Variants in PCBD2 observed in about 807,000 individuals in gnomAD.
PCBD2 encodes the protein pterin-4-alpha-carbinolamine dehydratase 2.
PCBD2 carries 12 observed loss-of-function variants against 16.4 expected under a neutral mutation model. The observed-to-expected ratio is 0.73, with a 90% CI of 0.47 to 1.19. The LOEUF (loss-of-function observed/expected upper bound fraction) is 1.19. PCBD2 is among the 50% of genes most tolerant of loss of function. PCBD2 has a pLI of 0.00. For synonymous variants in PCBD2, 58 were observed against 61.8 expected (o/e 0.94, Z 0.29); for missense variants, 138 against 156.8 (o/e 0.88, Z 0.64).
intron 2 of PCBD2, among the ~76,000 whole-genome samples, chr5:134,918,420 G>T (rs1017183907): frequency 3.9e-5 from 6 of 152,186 alleles, no homozygotes; most frequent in African/African-American, 1.2e-4. Flanking sequence ...CAGGAGAATG[G>T]CTTGAACCCG....
At chr5:134,937,067 A>G (rs1751169190) in intron 2 of PCBD2, among the ~76,000 whole-genome samples, 2 of 152,262 alleles carry the variant, frequency 1.3e-5, no homozygotes, top group African/African-American at 4.8e-5. Flanking sequence ...TGGTTCTTTC[A>G]TAATTAACAT....
chr5:134,922,685 C>T (rs112790412), intron 2 of PCBD2, among the ~76,000 whole-genome samples: 10 of 141,596 alleles, frequency 7.1e-5, no homozygotes, highest in South Asian at 2.2e-4. Flanking sequence ...TTTTTTGAGA[C>T]GGAGTCTCGC....
intron 2 of PCBD2, among the ~76,000 whole-genome samples, chr5:134,918,643 G>A (rs1750863165): frequency 6.6e-6 from 1 of 152,206 alleles, no homozygotes; most frequent in African/African-American, 2.4e-5. Flanking sequence ...GCTCATGATT[G>A]GCTTTGTAAC....
chr5:134,916,940 T>C (rs980864869), intron 2 of PCBD2, among the ~76,000 whole-genome samples: 1 of 152,176 alleles, frequency 6.6e-6, no homozygotes, highest in African/African-American at 2.4e-5. Flanking sequence ...TAGGAGTGCT[T>C]GGACCCAGAC....
chr5:134,908,063 A>T (rs755047659), intron 1 of PCBD2, among the ~76,000 whole-genome samples: 3 of 151,396 alleles, frequency 2.0e-5, no homozygotes, highest in Non-Finnish European at 4.4e-5. Flanking sequence ...GAGACTATGG[A>T]CATGGTCCAC....
At chr5:134,931,042 C>T (rs1031232623) in intron 2 of PCBD2, among the ~76,000 whole-genome samples, 6 of 152,030 alleles carry the variant, frequency 3.9e-5, no homozygotes, top group East Asian at 3.9e-4. Context: ...CTCAGCCTAC[C>T]GAGTAGCTGG....
At chr5:134,913,521 G>T (rs1295623597) in intron 2 of PCBD2, among the ~76,000 whole-genome samples, 1 of 152,208 alleles carries the variant, frequency 6.6e-6, no homozygotes, top group Non-Finnish European at 1.5e-5. Context: ...GAGGGGAAGG[G>T]TCAGAGCATG....
chr5:134,942,164 T>G (rs1580890709), intron 2 of PCBD2, among the ~76,000 whole-genome samples: 1 of 150,152 alleles, frequency 6.7e-6, no homozygotes, highest in South Asian at 2.1e-4. Flanking sequence ...TGTAGGAAAC[T>G]TATTTTTGCT....
chr5:134,954,225 C>T (rs183258491), intron 2 of PCBD2, among the ~76,000 whole-genome samples: 58 of 152,164 alleles, frequency 3.8e-4, no homozygotes, highest in Non-Finnish European at 6.8e-4. Context: ...ATTCCCAAAG[C>T]GCTGGGATTA....
At chr5:134,915,385 G>T (rs1041063313) in intron 2 of PCBD2, among the ~76,000 whole-genome samples, 1 of 149,054 alleles carries the variant, frequency 6.7e-6, no homozygotes, top group Non-Finnish European at 1.5e-5. Flanking sequence ...TGTTCTGCAT[G>T]TATGCAAATA....
intron 2 of PCBD2, among the ~76,000 whole-genome samples, chr5:134,945,242 T>C (rs1751278189): frequency 6.6e-6 from 1 of 152,196 alleles, no homozygotes; most frequent in Non-Finnish European, 1.5e-5. Flanking sequence ...TGCATGACTT[T>C]CCTCTGATGG....
chr5:134,906,398 G>T (rs1024726383), intron 1 of PCBD2, among the ~76,000 whole-genome samples: 6 of 150,616 alleles, frequency 4.0e-5, no homozygotes, highest in African/African-American at 1.2e-4. Context: ...TAGAGGCGGG[G>T]TTTCACCGTG....
rs776164485 is a variant in PCBD2, at chr5:134,959,883, C to CTTTTTTT, written c.298-684_298-678dup. On this transcript the variant is annotated intron_variant, in intron 3 of 3. Transcript: ENST00000254908. ...CCCATTTCCCTAATTTAGAAATGTGCTTTTTTTTTTTTTTTTTTTTTTTTT... is the reference window on the plus strand; with the variant it reads ...CCCATTTCCCTAATTTAGAAATGTGCTTTTTTTTTTTTTTTTTTTTTTTTTTTTTTTT... Among the ~76,000 whole-genome samples the CTTTTTTT allele has an allele frequency of 6.1e-3, 446 of 73,052 alleles. 3 individuals carry two copies. Among genetic ancestry groups the CTTTTTTT allele is most frequent in the East Asian group, 9.0e-3 (16 of 1,780 alleles). The allele number at this position is 73,052 out of a possible 152,430, so 47.9% of individuals were successfully genotyped here. A position where few individuals can be genotyped will look rare whatever the true frequency, so the allele number is the denominator to read the frequency against.
At chr5:134,925,832 G>A (rs1389622469) in intron 2 of PCBD2, 1 of 394,712 alleles carries the variant, frequency 2.5e-6, no homozygotes, top group Non-Finnish European at 4.5e-6. Context: ...AGTGGGGTGA[G>A]GCTTGGATTA....
intron 3 of PCBD2, among the ~76,000 whole-genome samples, chr5:134,959,459 A>T (rs1451085229): frequency 6.6e-6 from 1 of 152,324 alleles, no homozygotes; most frequent in Non-Finnish European, 1.5e-5. Context: ...AATCAGATAG[A>T]TATGGCCTCA....
intron 2 of PCBD2, among the ~76,000 whole-genome samples, chr5:134,932,779 T>A (rs1751114244): frequency 6.6e-6 from 1 of 152,158 alleles, no homozygotes; most frequent in Non-Finnish European, 1.5e-5. Context: ...TCACCACACC[T>A]GGCCAATTCG....
At chr5:134,948,381 A>G (rs1050996629) in intron 2 of PCBD2, among the ~76,000 whole-genome samples, 4 of 152,218 alleles carry the variant, frequency 2.6e-5, no homozygotes, top group Admixed American at 6.5e-5. Context: ...CTATCTAGTT[A>G]GAGAACTTTC....
At chr5:134,957,608 G>T (rs1751428822) in intron 2 of PCBD2, among the ~76,000 whole-genome samples, 2 of 152,110 alleles carry the variant, frequency 1.3e-5, no homozygotes, top group Admixed American at 6.5e-5. Flanking sequence ...GAGCTCAGGA[G>T]GTTGAGGCTA....
intron 2 of PCBD2, among the ~76,000 whole-genome samples, chr5:134,942,871 C>G (rs1751246013): frequency 6.6e-6 from 1 of 152,176 alleles, no homozygotes; most frequent in Non-Finnish European, 1.5e-5. Flanking sequence ...GTCTGATGCT[C>G]TTTCCATCAT....
Sources: allele counts gnomAD v4.1 joint callset (sites outside exome capture counted in the v4.1 genomes callset), GRCh38; gene constraint gnomAD v4.1.1; transcripts MANE v1.5; gene names NCBI Gene and HGNC (gene_info 2026-07-23, HGNC 2026-07-21).